Variants in C1QTNF12 observed in about 807,000 individuals in gnomAD.
C1QTNF12 encodes adipolin.
Under a neutral mutation model 34.3 loss-of-function variants are expected in C1QTNF12, and 39 were observed. The observed-to-expected ratio is 1.14, with a 90% CI of 0.88 to 1.49. The LOEUF is 1.49. C1QTNF12 is among the 40% of genes most tolerant of loss of function. The pLI is 0.00. For missense variants in C1QTNF12, 497 were observed against 424.7 expected (o/e 1.17, Z -1.50); for synonymous variants, 220 against 196.9 (o/e 1.12, Z -0.98).
At chr1:1,243,872 G>A in intron 4 of C1QTNF12, 82 bp downstream of exon 4, 2 of 1,301,562 alleles carry the variant, frequency 1.5e-6, no homozygotes, top group Non-Finnish European at 2.1e-6. Context: ...GCTGCCCCAT[G>A]AGTGTCAGGC....
In C1QTNF12 at chr1:1,246,503, C is replaced by T. The variant is rs903198283; in HGVS notation, c.177+11G>A. ...GCCCCGCGAGGGCCCACGTGCGTCCCGGCCGCGTACCTTGGGGGCCTCGGG... is the reference window on the plus strand; with the variant it reads ...GCCCCGCGAGGGCCCACGTGCGTCCTGGCCGCGTACCTTGGGGGCCTCGGG... On this transcript the variant is annotated intron_variant, in intron 1 of 7. Coordinates refer to ENST00000330388, the MANE Select transcript of C1QTNF12 (RefSeq NM_001014980.3). This position sits in a 1 kb window ranked among gnomAD's most constrained non-coding sequence, Gnocchi z 4.5. The T allele has an allele frequency of 1.6e-6, 2 of 1,231,476 alleles. No individual in the cohort carries two copies. Among genetic ancestry groups the T allele is most frequent in the Non-Finnish European group, 2.0e-6 (2 of 987,506 alleles). 76.3% of individuals were successfully genotyped at this position (1,231,476 alleles called of 1,614,324 possible).
exon 1 of C1QTNF12, chr1:1,246,710 TCAGCGCGGCGAGTCTCGGCGCCAGGGCG>T: frequency 8.2e-7 from 1 of 1,217,686 alleles, no homozygotes; most frequent in Middle Eastern, 3.2e-4. The surrounding 1 kb of genome is among the most constrained non-coding windows in gnomAD (Gnocchi z 4.5). Flanking sequence ...CCGAGGCGGC[TCAGCGCGGCGAGTCTCGGCGCCAGGGCG>T]CAGTCATGGG....
Position 1,242,649 on chromosome 1 carries a change from G to C in C1QTNF12, c.811-3C>G, listed in dbSNP as rs374005061. 25 of 1,589,176 alleles carry C rather than the reference G, an allele frequency of 1.6e-5. No homozygotes were observed. The African/African-American group carries it at 2.7e-4, about 17-fold the overall frequency. ...AACACAGAAGCGTACTGTCCAGCCT[G>C]TAAGAAGCACGGGGACGTCACAACC... On this transcript the variant is annotated splice_polypyrimidine_tract_variant and splice_region_variant and intron_variant, in intron 7 of 7. Coordinates refer to ENST00000330388, the MANE Select transcript of C1QTNF12 (RefSeq NM_001014980.3).
rs1384325735 is a variant in C1QTNF12 at position 1,246,167 on chromosome 1, C to A, written c.177+347G>T. ...CCAGCAAGCAGCCGGAACCACCCCA[C>A]CCCCGCCCCCAAATCAGCAATTAAC... On this transcript the variant is annotated intron_variant, in intron 1 of 7. Transcript: ENST00000330388. This position sits in a 1 kb window ranked among gnomAD's most constrained non-coding sequence, Gnocchi z 4.5. Among the ~76,000 whole-genome samples the A allele has an allele frequency of 6.8e-6, 1 of 146,594 alleles. No homozygotes were observed. The highest frequency in any genetic ancestry group is 1.5e-5 in the Non-Finnish European group (1 of 65,968).
Position 1,243,410 on chromosome 1 carries a change from G to A in C1QTNF12, c.640+34C>T, listed in dbSNP as rs199644687. 7.0e-4 allele frequency: 1,072 copies of A among 1,530,786 alleles called. 5 individuals carry two copies. The African/African-American group carries it at 0.012, about 17-fold the overall frequency. 94.8% of individuals were successfully genotyped at this position (1,530,786 alleles called of 1,614,324 possible). On this transcript the variant is annotated intron_variant, in intron 5 of 7. Transcript: ENST00000330388. The stretch of plus-strand genomic sequence containing the variant: ...CCCCAGAAAGCTCAGCCCCAGCCCC[G>A]TCACAGCACACGGCACTGCCCCATC...
In C1QTNF12 at chr1:1,244,116, G is replaced by A. The variant is rs1484660914; in HGVS notation, c.380-11C>T. On this transcript the variant is annotated splice_polypyrimidine_tract_variant and intron_variant, in intron 3 of 7. Transcript: ENST00000330388. ...GGCGCTCCGTGGCCTCTGTGGGGAGGAGGGCACAGGCGGCCAGCAGGGTCA... is the reference window on the plus strand; with the variant it reads ...GGCGCTCCGTGGCCTCTGTGGGGAGAAGGGCACAGGCGGCCAGCAGGGTCA... The A allele has an allele frequency of 1.3e-6, 2 of 1,568,916 alleles. No individual in the cohort carries two copies. Among genetic ancestry groups the A allele is most frequent in the South Asian group, 1.2e-5 (1 of 84,294 alleles).
chr1:1,247,104 C>T (rs1638914193), upstream of C1QTNF12, among the ~76,000 whole-genome samples: 1 of 152,044 alleles, frequency 6.6e-6, no homozygotes, highest in African/African-American at 2.4e-5. Flanking sequence ...CCAGACCCCA[C>T]CCTGCCCCCA....
chr1:1,242,710 G>A (rs1395178953), intron 7 of C1QTNF12, 64 bp from the exon 8 acceptor site: 2 of 1,547,712 alleles, frequency 1.3e-6, no homozygotes, highest in African/African-American at 2.7e-5. Context: ...GCCAACGTCT[G>A]CCCACCTGCC....
chr1:1,247,183 G>T (rs535441300), upstream of C1QTNF12, among the ~76,000 whole-genome samples: 195 of 151,994 alleles, frequency 1.3e-3, no homozygotes, highest in African/African-American at 4.5e-3. Context: ...CGCCCTCCCT[G>T]CCAGCTGAAC....
At position 1,243,078 on chromosome 1, in the gene C1QTNF12, G is replaced by A. The variant is rs534668090; in HGVS notation, c.715C>T (p.Leu239=). 10 of 1,585,574 alleles carry A rather than the reference G, an allele frequency of 6.3e-6. No individual in the cohort carries two copies. The South Asian group carries it at 1.0e-4, about 16-fold the overall frequency. The part of the protein sequence containing the change: ...VVCVLICIES[L]CQRHTCLEAV... ...GTCACTCACGTGTGGCGCTGGCACA[G>A]GGACTCAATACAGATGAGAACACAC... The change falls in exon 6 of 8, where the codon CTG becomes TTG. Residue 239 remains leucine, a synonymous_variant. Transcript: ENST00000330388.
chr1:1,244,278 GGGGGGAGAGA>G lies in C1QTNF12; in HGVS notation c.295-13_295-4del. ...CCTGGGGGACCGAAGAGATCCCGCTGGGGGGAGAGAGAAGCAGGTGAGGGGCCCAGTGGGA... is the reference window on the plus strand; with the variant it reads ...CCTGGGGGACCGAAGAGATCCCGCTGGAAGCAGGTGAGGGGCCCAGTGGGA... On this transcript the variant is annotated splice_polypyrimidine_tract_variant and splice_region_variant and intron_variant, in intron 2 of 7. Transcript: ENST00000330388. 1 of 1,591,040 alleles carries G rather than the reference GGGGGGAGAGA, an allele frequency of 6.3e-7. No individual in the cohort carries two copies. The highest frequency in any genetic ancestry group is 8.6e-7 in the Non-Finnish European group (1 of 1,165,884).
chr1:1,246,862 T>TC (rs1638907071), upstream of C1QTNF12: 1 of 367,684 alleles, frequency 2.7e-6, no homozygotes. The surrounding 1 kb of genome is among the most constrained non-coding windows in gnomAD (Gnocchi z 4.5). Context: ...GGCGCTCAGG[T>TC]CCCCCCGGGG....
At chr1:1,242,937 G>A in intron 6 of C1QTNF12, 24 bp from the exon 7 acceptor site, 1 of 1,609,030 alleles carries the variant, frequency 6.2e-7, no homozygotes, top group Non-Finnish European at 8.5e-7. Context: ...CACAGGGCAA[G>A]AGGGAGGCGT....
chr1:1,242,749 GGTCTGC>G lies in C1QTNF12; in HGVS notation c.810+80_810+85del, dbSNP rs1322926633. On this transcript the variant is annotated intron_variant, in intron 7 of 7. Coordinates refer to ENST00000330388, the MANE Select transcript of C1QTNF12 (RefSeq NM_001014980.3). ...CGCTAGGAGGTGCCGAGGCCCCAGA[GGTCTGC>G]GCCCTGAGTGCACCGAGCTCACACC... 4.7e-5 allele frequency: 74 copies of G among 1,563,930 alleles called. No individual in the cohort carries two copies. In the South Asian group the frequency reaches 7.8e-4, roughly 17 times the overall value.
intron 1 of C1QTNF12, among the ~76,000 whole-genome samples, chr1:1,245,303 C>T (rs1367635707): frequency 3.0e-5 from 2 of 67,494 alleles, no homozygotes; most frequent in African/African-American, 6.6e-5. Context: ...CTCAGGCATC[C>T]GCTATCCGCT....
rs114544631 is a variant in C1QTNF12 at position 1,242,516 on chromosome 1, C to T, written c.*32G>A. On this transcript the variant is annotated 3_prime_UTR_variant, in exon 8 of 8. Transcript: ENST00000330388. ...CAGTAGGAGGGTCCCCGGGATCCGG[C>T]GGCAGCTCCTCGCCAGCCCCCCTGG... The T allele has an allele frequency of 8.3e-4, 1,254 of 1,507,026 alleles. 11 individuals carry two copies. The African/African-American group carries it at 0.014, about 17-fold the overall frequency. The allele number at this position is 1,507,026 out of a possible 1,614,324, so 93.4% of individuals were successfully genotyped here.
chr1:1,245,356 G>A (rs903841308), intron 1 of C1QTNF12, among the ~76,000 whole-genome samples: 21 of 134,746 alleles, frequency 1.6e-4, no homozygotes, highest in African/African-American at 4.0e-4. Flanking sequence ...GAAGGGACCC[G>A]GCGCCCTGGA....
chr1:1,243,565 G>A lies in C1QTNF12; in HGVS notation c.532-13C>T. The A allele has an allele frequency of 6.5e-7, 1 of 1,546,400 alleles. No homozygotes were observed. Among genetic ancestry groups the A allele is most frequent in the South Asian group, 1.2e-5 (1 of 83,972 alleles). On this transcript the variant is annotated splice_polypyrimidine_tract_variant and intron_variant, in intron 4 of 7. Transcript: ENST00000330388. Reference sequence around the variant, plus strand: ...CTTGGGCAGCAGGCTGTGAGGGGCAGTGGGTGAGCGGCCAGCGCAGGGCCT... The same window carrying A: ...CTTGGGCAGCAGGCTGTGAGGGGCAATGGGTGAGCGGCCAGCGCAGGGCCT...
At position 1,244,576 on chromosome 1, in the gene C1QTNF12, C is replaced by G. The variant is rs1000950429; in HGVS notation, c.178-79G>C. 6 of 1,111,444 alleles carry G rather than the reference C, an allele frequency of 5.4e-6. No homozygotes were observed. In the Admixed American group the frequency reaches 1.1e-4, roughly 20 times the overall value. The allele number at this position is 1,111,444 out of a possible 1,614,324, so 68.8% of individuals were successfully genotyped here. A position where few individuals can be genotyped will look rare whatever the true frequency, so the allele number is the denominator to read the frequency against. Reference sequence around the variant, plus strand: ...GGACCCCAGGGCAGCGGGGAGCACTCAGGGCAGAACCAGGGAAGGCATCGC... The same window carrying G: ...GGACCCCAGGGCAGCGGGGAGCACTGAGGGCAGAACCAGGGAAGGCATCGC... On this transcript the variant is annotated intron_variant, in intron 1 of 7. Transcript: ENST00000330388.
Sources: allele counts gnomAD v4.1 joint callset (sites outside exome capture counted in the v4.1 genomes callset), GRCh38; gene constraint gnomAD v4.1.1; non-coding constraint Gnocchi (gnomAD v3.1); transcripts MANE v1.5; gene names NCBI Gene and HGNC (gene_info 2026-07-23, HGNC 2026-07-21).